Variants in LNX1 observed in about 807,000 individuals in gnomAD.
The protein encoded by LNX1 is E3 ubiquitin-protein ligase LNX.
Under a neutral mutation model 68.4 loss-of-function variants are expected in LNX1, and 54 were observed. The observed-to-expected ratio is 0.79, with a 90% CI of 0.63 to 0.99. The LOEUF is 0.99. LNX1 is among the 50% of genes least tolerant of loss of function. The probability of loss-of-function intolerance (pLI) is 0.00; values close to 1 mark genes in which losing one functional copy is unlikely to be tolerated. For missense variants in LNX1, 906 were observed against 926.4 expected, an observed-to-expected ratio of 0.98 and a Z score of 0.29; for synonymous variants, 336 against 350.0, an observed-to-expected ratio of 0.96 and a Z score of 0.45.
chr4:53,507,545 A>G, intron 3 of LNX1, 76 bp from the exon 4 acceptor site: 1 of 1,485,420 alleles, frequency 6.7e-7, no homozygotes, highest in Non-Finnish European at 9.3e-7. Context: ...CTGATAAGAT[A>G]TACACAATAA....
chr4:53,502,934 CTT>C (rs34766553), intron 4 of LNX1, among the ~76,000 whole-genome samples: 667 of 143,780 alleles, frequency 4.6e-3, no homozygotes, highest in African/African-American at 5.3e-3. Flanking sequence ...TTGGTCATAT[CTT>C]TTTTTTTTTT....
chr4:53,472,190 A>C (rs1455025181), intron 9 of LNX1, among the ~76,000 whole-genome samples: 2 of 152,148 alleles, frequency 1.3e-5, no homozygotes, highest in Non-Finnish European at 2.9e-5. Flanking sequence ...CTTTGTAGGG[A>C]CATGGATGAA....
chr4:53,611,730 C>T (rs80356119), intron 2 of LNX1, among the ~76,000 whole-genome samples: 2 of 151,996 alleles, frequency 1.3e-5, no homozygotes, highest in African/African-American at 2.4e-5. Flanking sequence ...ATTGCACACT[C>T]AAGGATACGC....
chr4:53,517,527 C>T (rs545596373), intron 2 of LNX1, among the ~76,000 whole-genome samples: 2 of 152,242 alleles, frequency 1.3e-5, no homozygotes, highest in East Asian at 3.9e-4. Context: ...TCCTCTAGTC[C>T]TCAGGCATCC....
chr4:53,575,179 G>A (rs1268835516), intron 1 of LNX1, among the ~76,000 whole-genome samples: 3 of 151,936 alleles, frequency 2.0e-5, no homozygotes, highest in Non-Finnish European at 2.9e-5. Flanking sequence ...ACAGGGTTTC[G>A]CCATGTTGGC....
chr4:53,626,884 C>G (rs148933757), intron 1 of LNX1, among the ~76,000 whole-genome samples: 2 of 152,200 alleles, frequency 1.3e-5, no homozygotes, highest in African/African-American at 4.8e-5. Flanking sequence ...TGCCAACAGT[C>G]TGAAATGGAA....
chr4:53,566,475 C>T (rs1383736593), intron 2 of LNX1, among the ~76,000 whole-genome samples: 12 of 151,498 alleles, frequency 7.9e-5, no homozygotes, highest in African/African-American at 2.9e-4. Flanking sequence ...ACCAGGCCTG[C>T]CCTAAAAGAG....
At chr4:53,645,004 C>T (rs1734830690) in intron 1 of LNX1, among the ~76,000 whole-genome samples, 1 of 152,158 alleles carries the variant, frequency 6.6e-6, no homozygotes, top group Non-Finnish European at 1.5e-5. Flanking sequence ...TTCTTGCCAA[C>T]AGCAGGAGAG....
At chr4:53,525,143 T>C (rs576568486) in intron 2 of LNX1, among the ~76,000 whole-genome samples, 19 of 152,232 alleles carry the variant, frequency 1.2e-4, no homozygotes, top group African/African-American at 4.1e-4. Context: ...AAACTACTCA[T>C]GGTGGGCTAT....
chr4:53,607,183 C>T (rs1382540865), intron 2 of LNX1, among the ~76,000 whole-genome samples: 1 of 152,174 alleles, frequency 6.6e-6, no homozygotes, highest in Non-Finnish European at 1.5e-5. Context: ...TCCCTGTTTG[C>T]AGATGATATG....
intron 9 of LNX1, among the ~76,000 whole-genome samples, chr4:53,467,743 G>A (rs868632198): frequency 2.6e-5 from 4 of 152,300 alleles, no homozygotes; most frequent in South Asian, 4.1e-4. Context: ...GGGTATCAGC[G>A]ATGGAAGACA....
intron 1 of LNX1, among the ~76,000 whole-genome samples, chr4:53,639,484 A>T (rs1351161691): frequency 1.3e-5 from 2 of 152,216 alleles, no homozygotes; most frequent in African/African-American, 4.8e-5. Context: ...TCTTTAATTA[A>T]AAATGTTAAT....
upstream of LNX1, among the ~76,000 whole-genome samples, chr4:53,592,801 C>A (rs1318814431): frequency 2.6e-5 from 4 of 152,052 alleles, no homozygotes; most frequent in Non-Finnish European, 5.9e-5. Context: ...GTCCGGATTC[C>A]CACAGCCTGG....
chr4:53,542,162 T>C (rs1001322173), intron 2 of LNX1, among the ~76,000 whole-genome samples: 9 of 152,186 alleles, frequency 5.9e-5, no homozygotes, highest in Admixed American at 1.3e-4. Flanking sequence ...AATTAGTGTA[T>C]GAGATATGCA....
chr4:53,580,012 G>A (rs1222764675), intron 1 of LNX1, among the ~76,000 whole-genome samples: 3 of 152,084 alleles, frequency 2.0e-5, no homozygotes, highest in East Asian at 1.9e-4. Context: ...GTCACATGGC[G>A]GTGTGTCCTG....
At chr4:53,536,426 T>A (rs1223272914) in intron 2 of LNX1, among the ~76,000 whole-genome samples, 1 of 152,166 alleles carries the variant, frequency 6.6e-6, no homozygotes, top group African/African-American at 2.4e-5. Context: ...TATCTAGAAA[T>A]GTATCTAGGA....
intron 5 of LNX1, among the ~76,000 whole-genome samples, chr4:53,497,727 T>G (rs761279070): frequency 1.3e-5 from 2 of 152,238 alleles, no homozygotes; most frequent in African/African-American, 4.8e-5. Context: ...TGTAGCTGAT[T>G]GTACTGCGGC....
At chr4:53,583,428 G>T (rs1731955842) in intron 1 of LNX1, among the ~76,000 whole-genome samples, 1 of 152,154 alleles carries the variant, frequency 6.6e-6, no homozygotes, top group Non-Finnish European at 1.5e-5. Flanking sequence ...TGCCGCCAAG[G>T]TCGTGGTTAG....
At chr4:53,505,801 C>T (rs572879699) in intron 4 of LNX1, among the ~76,000 whole-genome samples, 2 of 152,072 alleles carry the variant, frequency 1.3e-5, no homozygotes, top group South Asian at 4.1e-4. Flanking sequence ...AAAAAGGGGG[C>T]TGAGGGAGTG....
Sources: gnomAD v4.1 joint callset for allele counts (sites outside exome capture counted in the v4.1 genomes callset) on GRCh38, gnomAD v4.1.1 for gene constraint, MANE v1.5 for transcripts, NCBI Gene and HGNC (gene_info 2026-07-23, HGNC 2026-07-21) for gene names.